The following PCDHAC1 variants were observed in gnomAD, a reference collection of about 807,000 sequenced individuals.
PCDHAC1 encodes protocadherin alpha subfamily C, 1, also known as protocadherin alpha-C1.
PCDHAC1 carries 42 observed loss-of-function variants against 60.0 expected under a neutral mutation model. The observed-to-expected ratio is 0.70, with a 90% confidence interval of 0.55 to 0.90. The LOEUF is 0.90. Ranked by LOEUF, PCDHAC1 falls within the 40% of genes least tolerant of loss-of-function variation. PCDHAC1 has a pLI of 0.00. For synonymous variants in PCDHAC1, 468 were observed against 499.3 expected, an observed-to-expected ratio of 0.94 and a Z score of 0.84; for missense variants, 1,160 against 1,222.3, an observed-to-expected ratio of 0.95 and a Z score of 0.76.
chr5:140,998,003 T>C (rs2097793100), intron 3 of PCDHAC1, among the ~76,000 whole-genome samples: 1 of 152,134 alleles, frequency 6.6e-6, no homozygotes, highest in Admixed American at 6.6e-5. Context: ...CCTCTGAGCC[T>C]TCCATCCCCA....
Position 140,968,192 on chromosome 5 carries a change from A to G in PCDHAC1, c.2434-10757A>G, listed in dbSNP as rs555596025. The G allele has an allele frequency of 2.5e-6, 4 of 1,614,038 alleles. No individual in the cohort carries two copies. The Admixed American group carries it at 5.0e-5, about 20-fold the overall frequency. ...AAGCTTCCTGGAGGACTCCTATTCC[A>G]TCTACATACAGGAGAACAATTTGCC... On this transcript the variant is annotated intron_variant, in intron 1 of 3. Coordinates refer to ENST00000253807, the MANE Select transcript of PCDHAC1 (RefSeq NM_018898.5).
At chr5:140,962,223 A>G (rs951247075) in intron 1 of PCDHAC1, among the ~76,000 whole-genome samples, 8 of 152,160 alleles carry the variant, frequency 5.3e-5, no homozygotes, top group Admixed American at 3.9e-4. Flanking sequence ...CTTGAGGTTC[A>G]AGTTTCACTT....
chr5:141,009,833 G>A lies in PCDHAC1; in HGVS notation c.2788G>A (p.Gly930Ser), dbSNP rs782642898. The A allele has an allele frequency of 8.7e-6, 14 of 1,613,366 alleles. No homozygotes were observed. The highest frequency in any genetic ancestry group is 2.7e-5 in the African/African-American group (2 of 74,746). ...TGACAAAAGTGACTTCATAACCTTC[G>A]GCAAAAAGGAGGAGACCAAGAAAAA... ...QIDKSDFITF[G>S]KKEETKKKKK... Residue 930 changes from glycine (G) to serine (S), a missense_variant, in exon 4 of 4, where the codon GGC (glycine) becomes AGC (serine). Physicochemically the swap from Gly to Ser is moderately conservative, Grantham distance 56 (BLOSUM62 0). Around this residue, in one of 3 missense-constraint regions of PCDHAC1, gnomAD observed 1,113 missense variants for 1,163.7 expected, o/e 0.96. Coordinates refer to ENST00000253807, the MANE Select transcript of PCDHAC1 (RefSeq NM_018898.5).
At chr5:140,935,638 T>G (rs1452378093) in intron 1 of PCDHAC1, among the ~76,000 whole-genome samples, 2 of 152,214 alleles carry the variant, frequency 1.3e-5, no homozygotes, top group Admixed American at 6.5e-5. Context: ...TAGGGCTTGC[T>G]TTTTAAATTT....
intron 1 of PCDHAC1, among the ~76,000 whole-genome samples, chr5:140,936,741 C>T (rs1234099505): frequency 3.3e-5 from 5 of 152,138 alleles, no homozygotes; most frequent in African/African-American, 1.2e-4. Flanking sequence ...AGTAACTTTT[C>T]ATTTGTATTG....
At chr5:140,941,629 A>G (rs965702759) in intron 1 of PCDHAC1, among the ~76,000 whole-genome samples, 12 of 151,584 alleles carry the variant, frequency 7.9e-5, no homozygotes, top group African/African-American at 2.9e-4. Context: ...CTGCTTCTTA[A>G]TTTCTGTCTT....
At chr5:140,937,446 G>A (rs1330877546) in intron 1 of PCDHAC1, among the ~76,000 whole-genome samples, 1 of 152,088 alleles carries the variant, frequency 6.6e-6, no homozygotes, top group Non-Finnish European at 1.5e-5. Context: ...TATTTTAAAA[G>A]TTTAATTTTA....
intron 3 of PCDHAC1, among the ~76,000 whole-genome samples, chr5:141,000,961 C>A (rs1207814885): frequency 6.6e-6 from 1 of 151,948 alleles, no homozygotes; most frequent in Non-Finnish European, 1.5e-5. Flanking sequence ...GTAATTTAAG[C>A]CTTCATATTC....
chr5:140,936,448 T>A (rs1477787930), intron 1 of PCDHAC1, among the ~76,000 whole-genome samples: 1 of 152,210 alleles, frequency 6.6e-6, no homozygotes, highest in Non-Finnish European at 1.5e-5. Context: ...AATAACCACA[T>A]CTGTTTAGTG....
chr5:140,969,254 A>G (rs781854163), intron 1 of PCDHAC1: 2 of 1,614,242 alleles, frequency 1.2e-6, no homozygotes, highest in Non-Finnish European at 1.7e-6. Context: ...GACTGACAGC[A>G]GGAATCTCAC....
chr5:140,939,311 C>A (rs972598257), intron 1 of PCDHAC1, among the ~76,000 whole-genome samples: 1 of 152,130 alleles, frequency 6.6e-6, no homozygotes, highest in African/African-American at 2.4e-5. Flanking sequence ...AAAGCCCTAC[C>A]TCCTAATATC....
At chr5:140,947,956 A>G (rs1460892977) in intron 1 of PCDHAC1, among the ~76,000 whole-genome samples, 2 of 151,570 alleles carry the variant, frequency 1.3e-5, no homozygotes, top group Non-Finnish European at 3.0e-5. Context: ...CATATTTTAC[A>G]ATTAAGTATG....
At chr5:140,999,182 G>T (rs1285087964) in intron 3 of PCDHAC1, among the ~76,000 whole-genome samples, 4 of 152,204 alleles carry the variant, frequency 2.6e-5, no homozygotes, top group Non-Finnish European at 5.9e-5. Context: ...CTGATGGGGA[G>T]AGGGTCCTTG....
chr5:140,938,793 A>G lies in PCDHAC1; in HGVS notation c.2433+9468A>G, dbSNP rs543840345. 2.6e-5 allele frequency among the ~76,000 whole-genome samples: 4 copies of G among 152,268 alleles called. No individual in the cohort carries two copies. The East Asian group carries it at 7.7e-4, about 29-fold the overall frequency. On this transcript the variant is annotated intron_variant, in intron 1 of 3. Coordinates refer to ENST00000253807, the MANE Select transcript of PCDHAC1 (RefSeq NM_018898.5). ...AGACTTAGTACCTGAATGATGAAAT[A>G]ATCGGTACCACAAACCCCTGTGACA...
At chr5:140,987,124 G>T (rs2097230182) in intron 3 of PCDHAC1, among the ~76,000 whole-genome samples, 1 of 151,678 alleles carries the variant, frequency 6.6e-6, no homozygotes, top group Non-Finnish European at 1.5e-5. Flanking sequence ...TGAGGCAGGA[G>T]AATTGCTTGA....
chr5:140,937,292 C>T (rs575821972), intron 1 of PCDHAC1, among the ~76,000 whole-genome samples: 2 of 152,238 alleles, frequency 1.3e-5, no homozygotes, highest in African/African-American at 4.8e-5. Context: ...CCGCTTCGGC[C>T]TCCCAAAGTG....
chr5:140,976,374 A>G (rs1163913998), intron 1 of PCDHAC1, among the ~76,000 whole-genome samples: 2 of 152,040 alleles, frequency 1.3e-5, no homozygotes, highest in Non-Finnish European at 2.9e-5. Context: ...AACATGGTGA[A>G]ACCCCATCTC....
intron 1 of PCDHAC1, among the ~76,000 whole-genome samples, chr5:140,941,191 T>TTTTTTTCTTTCTTTCTTTC (rs1554213809): frequency 2.1e-5 from 2 of 93,258 alleles, no homozygotes; most frequent in Admixed American, 1.2e-4. Context: ...GCTTCTTTTT[T>TTTTTTTCTTTCTTTCTTTC]TTTCTTTCTT....
At chr5:140,987,275 CTA>C (rs1554249023) in intron 3 of PCDHAC1, among the ~76,000 whole-genome samples, 1 of 151,726 alleles carries the variant, frequency 6.6e-6, no homozygotes, top group Non-Finnish European at 1.5e-5. Context: ...ACCCGGCAGT[CTA>C]TGTTTTAACA....
Sources: gnomAD v4.1 joint callset for allele counts (sites outside exome capture counted in the v4.1 genomes callset) on GRCh38, gnomAD v4.1.1 for gene constraint, gnomAD v4.1.1 regional missense constraint, MANE v1.5 for transcripts, NCBI Gene and HGNC (gene_info 2026-07-23, HGNC 2026-07-21) for gene names.